Variants in XYLT1 observed in about 807,000 individuals in gnomAD.
XYLT1 encodes beta-D-xylosyltransferase 1.
Under a neutral mutation model 91.3 loss-of-function variants are expected in XYLT1, and 36 were observed. The observed-to-expected ratio is 0.39, with a 90% confidence interval of 0.30 to 0.52. The LOEUF is 0.52. Ranked by LOEUF, XYLT1 falls within the 20% of genes least tolerant of loss-of-function variation. The pLI is 0.68. For missense variants in XYLT1, 1,242 were observed against 1,284.5 expected (o/e 0.97, Z 0.51); for synonymous variants, 588 against 532.0 (o/e 1.11, Z -1.45).
chr16:17,130,102 C>G (rs978318184), intron 9 of XYLT1, among the ~76,000 whole-genome samples: 3 of 152,228 alleles, frequency 2.0e-5, no homozygotes, highest in African/African-American at 7.2e-5. Flanking sequence ...TTTGAAACAG[C>G]AGAGCTACGC....
At chr16:17,114,079 C>T (rs754197566) in intron 11 of XYLT1, among the ~76,000 whole-genome samples, 17 of 152,326 alleles carry the variant, frequency 1.1e-4, no homozygotes, top group Middle Eastern at 3.4e-3. Flanking sequence ...ACAGATTCAT[C>T]CACCTGTTGG....
intron 1 of XYLT1, among the ~76,000 whole-genome samples, chr16:17,413,194 A>T (rs2036134646): frequency 6.6e-6 from 1 of 152,158 alleles, no homozygotes; most frequent in African/African-American, 2.4e-5. Flanking sequence ...GGGACCTGGT[A>T]CTCAAAAAAG....
intron 2 of XYLT1, among the ~76,000 whole-genome samples, chr16:17,290,585 G>A (rs1596467795): frequency 6.6e-6 from 1 of 152,358 alleles, no homozygotes; most frequent in Non-Finnish European, 1.5e-5. Flanking sequence ...ACCCAAGGAG[G>A]TGTCAAAGCC....
At chr16:17,168,001 T>G (rs2031738895) in intron 5 of XYLT1, among the ~76,000 whole-genome samples, 1 of 152,160 alleles carries the variant, frequency 6.6e-6, no homozygotes, top group African/African-American at 2.4e-5. Context: ...TCTCACCCAC[T>G]GGAAAAATCA....
At chr16:17,432,312 A>G (rs1407549811) in intron 1 of XYLT1, among the ~76,000 whole-genome samples, 1 of 152,232 alleles carries the variant, frequency 6.6e-6, no homozygotes, top group East Asian at 1.9e-4. Flanking sequence ...CCAAAAGCAG[A>G]AAAAACCCAG....
chr16:17,136,345 CT>C (rs1331917822), intron 8 of XYLT1, among the ~76,000 whole-genome samples: 1 of 152,166 alleles, frequency 6.6e-6, no homozygotes, highest in Admixed American at 6.5e-5. Flanking sequence ...GGGAAGCCCC[CT>C]GATCGTAAGT....
chr16:17,306,615 G>A lies in XYLT1; in HGVS notation c.403-47117C>T, dbSNP rs745374262. Among the ~76,000 whole-genome samples, 13 of 151,660 alleles carry A rather than the reference G, an allele frequency of 8.6e-5. No individual in the cohort carries two copies. The South Asian group carries it at 1.3e-3, about 15-fold the overall frequency. On this transcript the variant is annotated intron_variant, in intron 2 of 11. Transcript: ENST00000261381. ...TAAGTAAGATACAATTCCTCTATAC[G>A]TGTGTGTTTCACTTTATGCAGCAGA...
intron 1 of XYLT1, among the ~76,000 whole-genome samples, chr16:17,380,248 A>G (rs1489768104): frequency 6.6e-6 from 1 of 152,194 alleles, no homozygotes; most frequent in Non-Finnish European, 1.5e-5. Context: ...AGATCATGCC[A>G]CTGAACTCCA....
intron 2 of XYLT1, among the ~76,000 whole-genome samples, chr16:17,297,635 A>T (rs2034331479): frequency 1.3e-5 from 2 of 151,936 alleles, no homozygotes; most frequent in Non-Finnish European, 2.9e-5. Context: ...AGGTGGGAGG[A>T]TCACTTGAGC....
intron 1 of XYLT1, among the ~76,000 whole-genome samples, chr16:17,373,846 A>G (rs1473267201): frequency 6.6e-6 from 1 of 152,240 alleles, no homozygotes; most frequent in Non-Finnish European, 1.5e-5. Context: ...AGCCTCTCGT[A>G]ATACCTATAA....
At chr16:17,412,862 GGA>G (rs1371441691) in intron 1 of XYLT1, among the ~76,000 whole-genome samples, 1 of 152,180 alleles carries the variant, frequency 6.6e-6, no homozygotes, top group Non-Finnish European at 1.5e-5. Flanking sequence ...GCACTCCTGG[GGA>G]GAGTCAGAAG....
rs565566403 is a variant in XYLT1 at position 17,137,344 on chromosome 16, C to T, written c.1764+1011G>A. 2.7e-4 allele frequency among the ~76,000 whole-genome samples: 41 copies of T among 152,308 alleles called. No individual in the cohort carries two copies. In the South Asian group the frequency reaches 2.7e-3, roughly 10 times the overall value. On this transcript the variant is annotated intron_variant, in intron 8 of 11. Transcript: ENST00000261381. ...GATCAAACACAAACAAACAGCATCC[C>T]GCTCCACATCAAGGGCACCTTGGCT...
At chr16:17,111,742 G>A (rs1049874059) in intron 11 of XYLT1, among the ~76,000 whole-genome samples, 3 of 152,208 alleles carry the variant, frequency 2.0e-5, no homozygotes, top group Non-Finnish European at 4.4e-5. Flanking sequence ...AAAGGGTTGG[G>A]TTCTGTGGTT....
chr16:17,154,666 A>G (rs1053259476), intron 6 of XYLT1, among the ~76,000 whole-genome samples: 41 of 152,240 alleles, frequency 2.7e-4, no homozygotes, highest in Non-Finnish European at 5.3e-4. Flanking sequence ...TTTGGAGGAA[A>G]GCAAGGAGAA....
intron 10 of XYLT1, among the ~76,000 whole-genome samples, chr16:17,123,219 G>T (rs2030136832): frequency 6.6e-6 from 1 of 152,126 alleles, no homozygotes; most frequent in African/African-American, 2.4e-5. Flanking sequence ...CATGACATTT[G>T]CTTGTGTCAT....
At chr16:17,447,493 C>A (rs1207454113) in intron 1 of XYLT1, among the ~76,000 whole-genome samples, 1 of 152,240 alleles carries the variant, frequency 6.6e-6, no homozygotes, top group Non-Finnish European at 1.5e-5. Flanking sequence ...CAAAGCATGA[C>A]TTGGGAGGGT....
intron 3 of XYLT1, among the ~76,000 whole-genome samples, chr16:17,245,462 C>T (rs972021270): frequency 2.6e-5 from 4 of 152,082 alleles, no homozygotes; most frequent in Non-Finnish European, 2.9e-5. Context: ...CTCAAAATTG[C>T]GAAGAATAAA....
intron 3 of XYLT1, among the ~76,000 whole-genome samples, chr16:17,229,796 C>T (rs1033436002): frequency 2.6e-5 from 4 of 152,218 alleles, no homozygotes; most frequent in Admixed American, 1.3e-4. Context: ...CTGGGTTAAA[C>T]GGCATCCCTC....
At position 17,134,719 on chromosome 16, in the gene XYLT1, G is replaced by C. The variant is rs2030642681; in HGVS notation, c.1781C>G (p.Thr594Ser). 3.7e-6 allele frequency: 6 copies of C among 1,614,068 alleles called. No individual in the cohort carries two copies. The highest frequency in any genetic ancestry group is 5.1e-6 in the Non-Finnish European group (6 of 1,180,032). The change falls in exon 9 of 12, where the codon ACC becomes AGC. Residue 594 changes from threonine to serine, a missense_variant. Around this residue, in one of 3 missense-constraint regions of XYLT1, gnomAD observed 511 missense variants for 497.0 expected, o/e 1.03. Transcript: ENST00000261381. ...FHRFQQTARP[T>S]FFARKFEAVV... ...GGCTTCAAACTTGCGGGCAAAGAAG[G>C]TAGGCCGGGCTGTCTGCTGTACTCA...
Sources: gnomAD v4.1 joint callset for allele counts (sites outside exome capture counted in the v4.1 genomes callset) on GRCh38, gnomAD v4.1.1 for gene constraint, gnomAD v4.1.1 regional missense constraint, MANE v1.5 for transcripts, NCBI Gene and HGNC (gene_info 2026-07-23, HGNC 2026-07-21) for gene names.